Variants in CNTN5 observed in about 807,000 individuals in gnomAD.
The protein encoded by CNTN5 is contactin 5.
CNTN5 carries 77 observed loss-of-function variants against 129.1 expected under a neutral mutation model. That is an observed-to-expected ratio of 0.60 (90% CI 0.50 to 0.72). CNTN5 has a LOEUF of 0.72. CNTN5 is among the 30% of genes least tolerant of loss of function. The probability of loss-of-function intolerance (pLI) is 0.00; values close to 1 mark genes in which losing one functional copy is unlikely to be tolerated. For synonymous variants in CNTN5, 509 were observed against 465.6 expected (o/e 1.09, Z -1.20); for missense variants, 1,478 against 1,328.8 (o/e 1.11, Z -1.75).
At chr11:99,896,823 G>T (rs900914746) in intron 6 of CNTN5, among the ~76,000 whole-genome samples, 1 of 152,110 alleles carries the variant, frequency 6.6e-6, no homozygotes, top group African/African-American at 2.4e-5. Context: ...GAGGGTTCCT[G>T]CTCTTCCAAT....
At chr11:99,429,221 A>T (rs1004051712) in intron 2 of CNTN5, among the ~76,000 whole-genome samples, 66 of 151,980 alleles carry the variant, frequency 4.3e-4, no homozygotes, top group Non-Finnish European at 7.6e-4. Flanking sequence ...TTTTTTTCTG[A>T]TATAGTATTT....
At chr11:99,916,974 T>C (rs576126980) in intron 7 of CNTN5, among the ~76,000 whole-genome samples, 11 of 152,104 alleles carry the variant, frequency 7.2e-5, no homozygotes, top group Non-Finnish European at 1.2e-4. Flanking sequence ...ATTAGAGTGA[T>C]GGCCATATTT....
intron 2 of CNTN5, among the ~76,000 whole-genome samples, chr11:99,443,545 C>A (rs12801957): frequency 0.042 from 6,349 of 152,256 alleles, 189 homozygotes; most frequent in South Asian, 0.079. Flanking sequence ...GATGTCACTT[C>A]TCATTTGTAA....
chr11:99,720,850 A>G (rs1225022013), intron 3 of CNTN5, among the ~76,000 whole-genome samples: 4 of 152,134 alleles, frequency 2.6e-5, no homozygotes, highest in African/African-American at 9.7e-5. Context: ...TATACCAACA[A>G]AACCAAAAGG....
intron 17 of CNTN5, among the ~76,000 whole-genome samples, chr11:100,265,556 A>C (rs1950286451): frequency 6.6e-6 from 1 of 152,148 alleles, no homozygotes; most frequent in Admixed American, 6.6e-5. Flanking sequence ...ATTAGAAAAA[A>C]AATGAATCTG....
At chr11:100,119,328 G>A (rs1159630579) in intron 13 of CNTN5, among the ~76,000 whole-genome samples, 2 of 151,840 alleles carry the variant, frequency 1.3e-5, no homozygotes, top group African/African-American at 4.8e-5. Flanking sequence ...GGGTCCCTAA[G>A]AAGCAAATGA....
At chr11:99,098,897 T>C (rs1271542227) in intron 1 of CNTN5, among the ~76,000 whole-genome samples, 1 of 152,144 alleles carries the variant, frequency 6.6e-6, no homozygotes, top group Non-Finnish European at 1.5e-5. Flanking sequence ...CCAGAGACCA[T>C]CTGTCTAGAC....
At chr11:99,206,194 T>C (rs532817546) in intron 1 of CNTN5, among the ~76,000 whole-genome samples, 1 of 152,222 alleles carries the variant, frequency 6.6e-6, no homozygotes, top group Non-Finnish European at 1.5e-5. Flanking sequence ...ATTGTGCAGG[T>C]AGATTTATTT....
intron 21 of CNTN5, among the ~76,000 whole-genome samples, chr11:100,338,154 T>C (rs143358682): frequency 6.6e-6 from 1 of 152,276 alleles, no homozygotes; most frequent in East Asian, 1.9e-4. Context: ...TTCATAAAGG[T>C]GTAGTTGCAA....
intron 2 of CNTN5, among the ~76,000 whole-genome samples, chr11:99,515,551 T>C (rs1178958438): frequency 1.3e-5 from 2 of 152,164 alleles, no homozygotes; most frequent in East Asian, 3.9e-4. Context: ...TATTAGGCCA[T>C]AGAATTCACT....
At chr11:99,416,376 G>A (rs932266188) in intron 2 of CNTN5, among the ~76,000 whole-genome samples, 1 of 151,904 alleles carries the variant, frequency 6.6e-6, no homozygotes, top group African/African-American at 2.4e-5. Flanking sequence ...AAACTCCTGG[G>A]CTCAAGTAAT....
At chr11:99,810,873 TC>T (rs1369351670) in intron 3 of CNTN5, among the ~76,000 whole-genome samples, 2 of 152,076 alleles carry the variant, frequency 1.3e-5, no homozygotes, top group African/African-American at 4.8e-5. Context: ...ATATTGTATG[TC>T]TTCTGTTTTT....
intron 6 of CNTN5, among the ~76,000 whole-genome samples, chr11:99,893,651 C>A (rs1311410299): frequency 6.6e-6 from 1 of 151,976 alleles, no homozygotes; most frequent in Non-Finnish European, 1.5e-5. Context: ...AAAATCAGAT[C>A]CTTTTTGATT....
intron 4 of CNTN5, among the ~76,000 whole-genome samples, chr11:99,820,748 A>G (rs1023940489): frequency 3.9e-5 from 6 of 152,248 alleles, no homozygotes; most frequent in African/African-American, 1.4e-4. Context: ...CACACTGCTA[A>G]TAGGTATCAT....
intron 3 of CNTN5, among the ~76,000 whole-genome samples, chr11:99,749,048 CATT>C: frequency 6.6e-6 from 1 of 152,278 alleles, no homozygotes; most frequent in South Asian, 2.1e-4. Context: ...CCTTGCTTAT[CATT>C]AGCATGTGTA....
intron 3 of CNTN5, among the ~76,000 whole-genome samples, chr11:99,642,407 C>T (rs1476255656): frequency 6.6e-6 from 1 of 152,146 alleles, no homozygotes; most frequent in African/African-American, 2.4e-5. Context: ...CTTATAAACA[C>T]TCCATATGTG....
At chr11:100,319,449 A>G (rs979861198) in intron 21 of CNTN5, among the ~76,000 whole-genome samples, 1 of 152,184 alleles carries the variant, frequency 6.6e-6, no homozygotes, top group Non-Finnish European at 1.5e-5. Flanking sequence ...CACTGTGCCC[A>G]GCTGACTTCC....
intron 13 of CNTN5, among the ~76,000 whole-genome samples, chr11:100,180,072 T>C (rs1948090628): frequency 1.3e-5 from 2 of 152,034 alleles, no homozygotes; most frequent in African/African-American, 2.4e-5. Context: ...GACAACATTA[T>C]GCTTAAACCC....
chr11:99,168,111 T>G (rs752891518), intron 1 of CNTN5, among the ~76,000 whole-genome samples: 2 of 152,076 alleles, frequency 1.3e-5, no homozygotes, highest in African/African-American at 2.4e-5. Context: ...CCCGGCTATT[T>G]TTTAATATTT....
Sources: allele counts gnomAD v4.1 joint callset (sites outside exome capture counted in the v4.1 genomes callset), GRCh38; gene constraint gnomAD v4.1.1; transcripts MANE v1.5; gene names NCBI Gene and HGNC (gene_info 2026-07-23, HGNC 2026-07-21).